Variants in NUPR1 observed in about 807,000 individuals in gnomAD.
NUPR1 encodes the protein nuclear protein 1.
Under a neutral mutation model 7.3 loss-of-function variants are expected in NUPR1, and 8 were observed. The ratio of observed to expected loss-of-function variants is 1.09; its 90% CI spans 0.64 to 1.97. The LOEUF (loss-of-function observed/expected upper bound fraction) is 1.97, where lower values mean the gene tolerates loss of function less well. Ranked by LOEUF, NUPR1 falls within the 30% of genes most tolerant of loss-of-function variation. The pLI is 0.00. For synonymous variants in NUPR1, 39 were observed against 44.5 expected (o/e 0.88, Z 0.49); for missense variants, 96 against 111.7 (o/e 0.86, Z 0.63).
rs1487640129 is a variant in NUPR1, at chr16:28,535,584, C to T, written c.*2099G>A. 3 of 35,908 alleles carry T rather than the reference C, an allele frequency of 8.4e-5. No individual in the cohort carries two copies. Among genetic ancestry groups the T allele is most frequent in the Non-Finnish European group, 9.3e-5 (2 of 21,510 alleles). 2.2% of individuals were successfully genotyped at this position (35,908 alleles called of 1,614,324 possible). The stretch of plus-strand genomic sequence containing the variant: ...CTTTCCTTCCTTCCTTTCTTTCTTT[C>T]TTTCTTTCTTTCTTTCTTTCTTTCT... On this transcript the variant is annotated 3_prime_UTR_variant, in exon 3 of 3. Transcript: ENST00000324873.
chr16:28,533,964 C>T lies in NUPR1; in HGVS notation c.*3719G>A, dbSNP rs2046595796. Reference sequence around the variant, plus strand: ...CCTGGGCAACATGGTGAAACCCCGTCTCTACTAAAAATACAAAAATTAGCC... The same window carrying T: ...CCTGGGCAACATGGTGAAACCCCGTTTCTACTAAAAATACAAAAATTAGCC... On this transcript the variant is annotated 3_prime_UTR_variant, in exon 3 of 3. Transcript: ENST00000324873. 6.6e-6 allele frequency: 1 copy of T among 152,026 alleles called. No individual in the cohort carries two copies. Among genetic ancestry groups the T allele is most frequent in the Non-Finnish European group, 1.5e-5 (1 of 68,072 alleles). The allele number at this position is 152,026 out of a possible 1,614,324, so 9.4% of individuals were successfully genotyped here. A position where few individuals can be genotyped will look rare whatever the true frequency, so the allele number is the denominator to read the frequency against.
rs1300816548 is a variant in NUPR1, at chr16:28,535,500, C to CTCTTTTCTT, written c.*2174_*2182dup. The stretch of plus-strand genomic sequence containing the variant: ...GTGTGAGCCACTGTGCCGGGGCTCG[C>CTCTTTTCTT]TCTTTTCTTTCTTTCTTTCTTTCTT... On this transcript the variant is annotated 3_prime_UTR_variant, in exon 3 of 3. Coordinates refer to ENST00000324873, the MANE Select transcript of NUPR1 (RefSeq NM_012385.3). 13 of 124,284 alleles carry CTCTTTTCTT rather than the reference C, an allele frequency of 1.0e-4. No homozygotes were observed. The East Asian group carries it at 3.5e-3, about 34-fold the overall frequency. The allele number at this position is 124,284 out of a possible 1,614,324, so 7.7% of individuals were successfully genotyped here. A position where few individuals can be genotyped will look rare whatever the true frequency, so the allele number is the denominator to read the frequency against.
Position 28,537,999 on chromosome 16 carries a change from T to C in NUPR1, c.*13+7A>G. ...CCTTGAGCTCTCTGGGCCCCCCGAC[T>C]CCTTACCTCCAGCTCTGTCTCAGCG... On this transcript the variant is annotated splice_region_variant and intron_variant, in intron 2 of 2. Transcript: ENST00000324873. 1 of 1,604,338 alleles carries C rather than the reference T, an allele frequency of 6.2e-7. No individual in the cohort carries two copies. Among genetic ancestry groups the C allele is most frequent in the Admixed American group, 1.7e-5 (1 of 59,592 alleles).
At position 28,535,584 on chromosome 16, in the gene NUPR1, C is replaced by CTTTTCTTTCTTTCTT. The variant is rs1429259826; in HGVS notation, c.*2098_*2099insAAGAAAGAAAGAAAA. ...CTTTCCTTCCTTCCTTTCTTTCTTT[C>CTTTTCTTTCTTTCTT]TTTCTTTCTTTCTTTCTTTCTTTCT... is the stretch of plus-strand genomic sequence containing the variant. On this transcript the variant is annotated 3_prime_UTR_variant, in exon 3 of 3. Transcript: ENST00000324873. The CTTTTCTTTCTTTCTT allele has an allele frequency of 5.6e-5, 2 of 35,930 alleles. No individual in the cohort carries two copies. Among genetic ancestry groups the CTTTTCTTTCTTTCTT allele is most frequent in the East Asian group, 2.9e-3 (1 of 340 alleles). 2.2% of individuals were successfully genotyped at this position (35,930 alleles called of 1,614,324 possible). A position where few individuals can be genotyped will look rare whatever the true frequency, so the allele number is the denominator to read the frequency against.
chr16:28,535,580 C>CTTTCT lies in NUPR1; in HGVS notation c.*2098_*2102dup, dbSNP rs1567277529. 2 of 35,136 alleles carry CTTTCT rather than the reference C, an allele frequency of 5.7e-5. No homozygotes were observed. The highest frequency in any genetic ancestry group is 3.4e-4 in the African/African-American group (2 of 5,966). The allele number at this position is 35,136 out of a possible 1,614,324, so 2.2% of individuals were successfully genotyped here. A position where few individuals can be genotyped will look rare whatever the true frequency, so the allele number is the denominator to read the frequency against. Reference sequence around the variant, plus strand: ...CTTTCTTTCCTTCCTTCCTTTCTTTCTTTCTTTCTTTCTTTCTTTCTTTCT... The same window carrying CTTTCT: ...CTTTCTTTCCTTCCTTCCTTTCTTTCTTTCTTTTCTTTCTTTCTTTCTTTCTTTCT... On this transcript the variant is annotated 3_prime_UTR_variant, in exon 3 of 3. Transcript: ENST00000324873.
At position 28,537,446 on chromosome 16, in the gene NUPR1, G is replaced by A. The variant is rs2046631665; in HGVS notation, c.*237C>T. On this transcript the variant is annotated 3_prime_UTR_variant, in exon 3 of 3. Transcript: ENST00000324873. ...TTCTTCTGTAGCTTTCTTTTCTGGG[G>A]GATCTTCCTGGCTCTGCCCCTCCAT... The A allele has an allele frequency of 6.6e-6, 1 of 152,326 alleles. No individual in the cohort carries two copies. Among genetic ancestry groups the A allele is most frequent in the Non-Finnish European group, 1.5e-5 (1 of 68,116 alleles). 9.4% of individuals were successfully genotyped at this position (152,326 alleles called of 1,614,324 possible). A position where few individuals can be genotyped will look rare whatever the true frequency, so the allele number is the denominator to read the frequency against.
At position 28,535,602 on chromosome 16, in the gene NUPR1, TTC is replaced by T. The variant is rs1491468552; in HGVS notation, c.*2079_*2080del. On this transcript the variant is annotated 3_prime_UTR_variant, in exon 3 of 3. Coordinates refer to ENST00000324873, the MANE Select transcript of NUPR1 (RefSeq NM_012385.3). Reference sequence around the variant, plus strand: ...TTTCTTTCTTTCTTTCTTTCTTTCTTTCTTTCTTTCTTTCTTTCTTCTCTTTC... The same window carrying T: ...TTTCTTTCTTTCTTTCTTTCTTTCTTTTTCTTTCTTTCTTTCTTCTCTTTC... 14 of 5,682 alleles carry T rather than the reference TTC, an allele frequency of 2.5e-3. 1 individual carries two copies. Among genetic ancestry groups the T allele is most frequent in the Non-Finnish European group, 0.015 (11 of 718 alleles). 0.4% of individuals were successfully genotyped at this position (5,682 alleles called of 1,614,324 possible).
At position 28,535,545 on chromosome 16, in the gene NUPR1, T is replaced by TTTCTTTCCA. The variant is rs1567277342; in HGVS notation, c.*2137_*2138insTGGAAAGAA. Reference sequence around the variant, plus strand: ...TTTCTTTCTTTCTTTCTTTCTTTCCTTCTTTCTTTCTTTCTTTCCTTCCTT... The same window carrying TTTCTTTCCA: ...TTTCTTTCTTTCTTTCTTTCTTTCCTTTCTTTCCATCTTTCTTTCTTTCTTTCCTTCCTT... On this transcript the variant is annotated 3_prime_UTR_variant, in exon 3 of 3. Transcript: ENST00000324873. 1 of 21,812 alleles carries TTTCTTTCCA rather than the reference T, an allele frequency of 4.6e-5. No individual in the cohort carries two copies. The highest frequency in any genetic ancestry group is 1.4e-4 in the Non-Finnish European group (1 of 7,344). 1.4% of individuals were successfully genotyped at this position (21,812 alleles called of 1,614,324 possible). A position where few individuals can be genotyped will look rare whatever the true frequency, so the allele number is the denominator to read the frequency against.
Position 28,538,162 on chromosome 16 carries a change from C to G in NUPR1, c.113-7G>C, listed in dbSNP as rs1362155863. 1 of 1,614,068 alleles carries G rather than the reference C, an allele frequency of 6.2e-7. No individual in the cohort carries two copies. The highest frequency in any genetic ancestry group is 2.2e-5 in the East Asian group (1 of 44,890). ...CCTTTCCGGCCTCCACCTCCTGTAACCAAGGCAGGAGTCAGAGGTGAAGTG... is the reference window on the plus strand; with the variant it reads ...CCTTTCCGGCCTCCACCTCCTGTAAGCAAGGCAGGAGTCAGAGGTGAAGTG... On this transcript the variant is annotated splice_region_variant and splice_polypyrimidine_tract_variant and intron_variant, in intron 1 of 2. Coordinates refer to ENST00000324873, the MANE Select transcript of NUPR1 (RefSeq NM_012385.3).
rs780051730 is a variant in NUPR1, at chr16:28,538,797, G to A, written c.111C>T (p.Leu37=). 1.2e-5 allele frequency: 20 copies of A among 1,604,390 alleles called. No individual in the cohort carries two copies. Among genetic ancestry groups the A allele is most frequent in the Non-Finnish European group, 9.4e-6 (11 of 1,173,714 alleles). ...TGGAGATGGCTGAGTGGGCCTTACC[G>A]AGGTAGGAATGGGCCAGGCTATAGA... ...SDLYSLAHSY[L]GGGGRKGRTK... is the part of the protein sequence containing the mutation. The change falls in exon 1 of 3, where the codon CTC becomes CTT. Residue 37 remains leucine, a splice_region_variant and synonymous_variant. Transcript: ENST00000324873.
In NUPR1 at chr16:28,535,576, C is replaced by CTTTTCTTTCTTTCT. The variant is rs755520263; in HGVS notation, c.*2106_*2107insAGAAAGAAAGAAAA. ...CTTTCTTTCTTTCCTTCCTTCCTTT[C>CTTTTCTTTCTTTCT]TTTCTTTCTTTCTTTCTTTCTTTCT... On this transcript the variant is annotated 3_prime_UTR_variant, in exon 3 of 3. Transcript: ENST00000324873. The CTTTTCTTTCTTTCT allele has an allele frequency of 2.5e-5, 1 of 39,346 alleles. No individual in the cohort carries two copies. Among genetic ancestry groups the CTTTTCTTTCTTTCT allele is most frequent in the African/African-American group, 1.6e-4 (1 of 6,270 alleles). The allele number at this position is 39,346 out of a possible 1,614,324, so 2.4% of individuals were successfully genotyped here. A position where few individuals can be genotyped will look rare whatever the true frequency, so the allele number is the denominator to read the frequency against.
At chr16:28,538,539 G>C in intron 1 of NUPR1, 1 of 620,216 alleles carries the variant, frequency 1.6e-6, no homozygotes, top group East Asian at 3.0e-5. Context: ...TGCAGGTGGT[G>C]TACACCTGAA....
At position 28,533,547 on chromosome 16, in the gene NUPR1, T is replaced by G. The variant is rs892129890; in HGVS notation, c.*4136A>C. 1 of 152,180 alleles carries G rather than the reference T, an allele frequency of 6.6e-6. No individual in the cohort carries two copies. The highest frequency in any genetic ancestry group is 2.4e-5 in the African/African-American group (1 of 41,392). 9.4% of individuals were successfully genotyped at this position (152,180 alleles called of 1,614,324 possible). On this transcript the variant is annotated 3_prime_UTR_variant, in exon 3 of 3. Transcript: ENST00000324873. ...GCCACCACACCTGGCTAATTTTTAA[T>G]TTTTTGTAGAGAGAGGGTCTTGCTG...
chr16:28,537,932 A>G, intron 2 of NUPR1, 74 bp downstream of exon 2: 1 of 1,261,748 alleles, frequency 7.9e-7, no homozygotes, highest in Non-Finnish European at 1.1e-6. Context: ...CTCCCCACCC[A>G]ATCACACACC....
Position 28,534,404 on chromosome 16 carries a change from A to G in NUPR1, c.*3279T>C. ...TATCAGGTACTTCGGTCTTCTGTGG[A>G]TGTCCTTGGGTCCCCATGAACCACT... On this transcript the variant is annotated 3_prime_UTR_variant, in exon 3 of 3. Transcript: ENST00000324873. 1 of 152,158 alleles carries G rather than the reference A, an allele frequency of 6.6e-6. No homozygotes were observed. Among genetic ancestry groups the G allele is most frequent in the East Asian group, 1.9e-4 (1 of 5,194 alleles). 9.4% of individuals were successfully genotyped at this position (152,158 alleles called of 1,614,324 possible).
Position 28,532,871 on chromosome 16 carries a change from G to A in NUPR1, c.*4812C>T, listed in dbSNP as rs1360791773. 6.6e-6 allele frequency: 1 copy of A among 152,080 alleles called. No homozygotes were observed. The highest frequency in any genetic ancestry group is 1.9e-4 in the East Asian group (1 of 5,192). The allele number at this position is 152,080 out of a possible 1,614,324, so 9.4% of individuals were successfully genotyped here. On this transcript the variant is annotated 3_prime_UTR_variant, in exon 3 of 3. Transcript: ENST00000324873. ...TTTAGGCAAATTACTTAATGTCTCC[G>A]AACCTCAGTTTTCCGGTCTGAAAAA... is the stretch of plus-strand genomic sequence containing the variant.
intron 1 of NUPR1, 193 bp downstream of exon 1, chr16:28,538,603 G>C (rs1183887520): frequency 2.9e-6 from 2 of 684,960 alleles, no homozygotes; most frequent in Non-Finnish European, 2.7e-6. Context: ...CCAGGAGTTC[G>C]AGGCTGCGGT....
At position 28,535,571 on chromosome 16, in the gene NUPR1, C is replaced by CTTTCTTTCTTTCCTTCCTTCTTT. The variant is rs1555472555; in HGVS notation, c.*2111_*2112insAAAGAAGGAAGGAAAGAAAGAAA. The CTTTCTTTCTTTCCTTCCTTCTTT allele has an allele frequency of 1.3e-4, 9 of 71,950 alleles. No homozygotes were observed. The highest frequency in any genetic ancestry group is 5.3e-4 in the African/African-American group (9 of 16,932). The allele number at this position is 71,950 out of a possible 1,614,324, so 4.5% of individuals were successfully genotyped here. ...TCTTTCTTTCTTTCTTTCCTTCCTT[C>CTTTCTTTCTTTCCTTCCTTCTTT]CTTTCTTTCTTTCTTTCTTTCTTTC... On this transcript the variant is annotated 3_prime_UTR_variant, in exon 3 of 3. Coordinates refer to ENST00000324873, the MANE Select transcript of NUPR1 (RefSeq NM_012385.3).
Position 28,538,728 on chromosome 16 carries a change from A to C in NUPR1, c.112+68T>G, listed in dbSNP as rs952669119. 21 of 1,190,488 alleles carry C rather than the reference A, an allele frequency of 1.8e-5. No homozygotes were observed. In the African/African-American group the frequency reaches 3.0e-4, roughly 17 times the overall value. 73.7% of individuals were successfully genotyped at this position (1,190,488 alleles called of 1,614,324 possible). A position where few individuals can be genotyped will look rare whatever the true frequency, so the allele number is the denominator to read the frequency against. On this transcript the variant is annotated intron_variant, in intron 1 of 2. Coordinates refer to ENST00000324873, the MANE Select transcript of NUPR1 (RefSeq NM_012385.3). ...GAGGAAAGGAAAGGAAATGAGAGGA[A>C]ACAAGAGGGGTGGGTCCTGATTTCG...
Sources: allele counts gnomAD v4.1 joint callset, GRCh38; gene constraint gnomAD v4.1.1; transcripts MANE v1.5; gene names NCBI Gene and HGNC (gene_info 2026-07-23, HGNC 2026-07-21).